Variants in EVL observed in about 807,000 individuals in gnomAD.
The protein encoded by EVL is ena/VASP-like protein.
Under a neutral mutation model 59.6 loss-of-function variants are expected in EVL, and 21 were observed. The ratio of observed to expected loss-of-function variants is 0.35; its 90% CI spans 0.25 to 0.51. EVL has a LOEUF of 0.51. EVL is among the 20% of genes least tolerant of loss of function. The pLI is 0.97. For missense variants in EVL, 462 were observed against 546.6 expected, an observed-to-expected ratio of 0.85 and a Z score of 1.54; for synonymous variants, 198 against 203.5, an observed-to-expected ratio of 0.97 and a Z score of 0.23.
intron 13 of EVL, among the ~76,000 whole-genome samples, chr14:100,142,602 G>C (rs1255320470): frequency 6.6e-6 from 1 of 152,238 alleles, no homozygotes; most frequent in Non-Finnish European, 1.5e-5. Flanking sequence ...AAGCGCACAG[G>C]GGTGGAGGCT....
At chr14:100,113,845 A>AGCAGT (rs1887158426) in intron 3 of EVL, among the ~76,000 whole-genome samples, 1 of 152,102 alleles carries the variant, frequency 6.6e-6, no homozygotes, top group Non-Finnish European at 1.5e-5. Flanking sequence ...GGGCACCGGG[A>AGCAGT]CAGGCAAGTT....
At chr14:100,049,110 A>G (rs1487650642) in intron 1 of EVL, among the ~76,000 whole-genome samples, 1 of 152,254 alleles carries the variant, frequency 6.6e-6, no homozygotes, top group East Asian at 1.9e-4. Flanking sequence ...CAAAAACTCC[A>G]GTAATTTAAG....
intron 1 of EVL, among the ~76,000 whole-genome samples, chr14:100,071,896 A>G (rs1484184525): frequency 1.3e-5 from 2 of 152,146 alleles, no homozygotes; most frequent in Non-Finnish European, 2.9e-5. Flanking sequence ...CACAATAAAC[A>G]TTTTAAGTCT....
At chr14:100,076,007 T>G (rs766057712) in intron 1 of EVL, among the ~76,000 whole-genome samples, 3 of 152,204 alleles carry the variant, frequency 2.0e-5, no homozygotes, top group Non-Finnish European at 4.4e-5. Flanking sequence ...AGTTATTAAA[T>G]GAATGGGAAT....
At chr14:99,998,700 C>T (rs552458677) in intron 1 of EVL, among the ~76,000 whole-genome samples, 173 of 152,104 alleles carry the variant, frequency 1.1e-3, no homozygotes, top group Non-Finnish European at 1.9e-3. Context: ...AACATATATA[C>T]AGATAAAAGC....
intron 1 of EVL, among the ~76,000 whole-genome samples, chr14:100,074,018 G>A (rs1301200085): frequency 2.0e-5 from 3 of 151,760 alleles, no homozygotes; most frequent in Non-Finnish European, 2.9e-5. Context: ...CGGTGGGGGC[G>A]GGGGGTCGGG....
In EVL at chr14:99,972,265, A is replaced by G. The variant is rs1402125016; in HGVS notation, c.5+208A>G. On this transcript the variant is annotated intron_variant, in intron 1 of 13. Coordinates refer to the EVL transcript ENST00000402714. This position sits in a 1 kb window ranked among gnomAD's most constrained non-coding sequence, Gnocchi z 4.4. ...CCGTGGGGGCGTCTGGAGAGCCGGG[A>G]GGGTCTGCAGGGCTTGTGGGGGGCA... 6.7e-6 allele frequency among the ~76,000 whole-genome samples: 1 copy of G among 150,126 alleles called. No homozygotes were observed. Among genetic ancestry groups the G allele is most frequent in the Non-Finnish European group, 1.5e-5 (1 of 67,536 alleles).
chr14:100,089,810 G>A (rs28816688), intron 2 of EVL, among the ~76,000 whole-genome samples: 1,903 of 152,260 alleles, frequency 0.012, 52 homozygotes, highest in African/African-American at 0.043. Flanking sequence ...GCATGTGCCT[G>A]TAGTCCTTGC....
At chr14:99,991,478 A>G (rs2060875216) in intron 1 of EVL, among the ~76,000 whole-genome samples, 1 of 152,218 alleles carries the variant, frequency 6.6e-6, no homozygotes, top group South Asian at 2.1e-4. Context: ...TTGGCCAACA[A>G]CTGAGAATGA....
rs1450379061 is a variant in EVL, at chr14:100,109,730, G to A, written c.358+12072G>A. On this transcript the variant is annotated intron_variant, in intron 3 of 13. Transcript: ENST00000392920. This position sits in a 1 kb window ranked among gnomAD's most constrained non-coding sequence, Gnocchi z 4.3. ...AATGGAATTGTCTCACACAGAAATC[G>A]CACCCGTCACCTTGGCCTACTTATC... The A allele has an allele frequency of 7.6e-6, 4 of 529,600 alleles. No homozygotes were observed. Among genetic ancestry groups the A allele is most frequent in the South Asian group, 1.4e-5 (1 of 70,182 alleles). 32.8% of individuals were successfully genotyped at this position (529,600 alleles called of 1,614,324 possible). A position where few individuals can be genotyped will look rare whatever the true frequency, so the allele number is the denominator to read the frequency against.
At chr14:100,003,684 A>G (rs777664931) in intron 1 of EVL, among the ~76,000 whole-genome samples, 26 of 152,150 alleles carry the variant, frequency 1.7e-4, no homozygotes, top group Non-Finnish European at 3.5e-4. Context: ...CTCTCAAAGC[A>G]CTGGGAATAC....
chr14:100,129,819 T>TA (rs1888318738), intron 7 of EVL, 135 bp downstream of exon 7: 2 of 1,312,038 alleles, frequency 1.5e-6, no homozygotes, highest in East Asian at 5.3e-5. Flanking sequence ...GGGAAACTGT[T>TA]ACTTAAGTTT....
At chr14:100,075,034 G>T (rs1229589799) in intron 1 of EVL, among the ~76,000 whole-genome samples, 1 of 152,196 alleles carries the variant, frequency 6.6e-6, no homozygotes, top group Non-Finnish European at 1.5e-5. Context: ...TTGACTCCCT[G>T]TGTGACTTGG....
At chr14:100,141,671 C>T (rs1889176141) in intron 12 of EVL, 65 bp from the exon 13 acceptor site, 1 of 1,547,992 alleles carries the variant, frequency 6.5e-7, no homozygotes, top group Non-Finnish European at 8.8e-7. Flanking sequence ...GGACATGGCC[C>T]AGCCCAGGCC....
At chr14:100,115,963 CACTGG>C (rs1887314993) in intron 3 of EVL, among the ~76,000 whole-genome samples, 2 of 152,232 alleles carry the variant, frequency 1.3e-5, no homozygotes, top group African/African-American at 2.4e-5. Flanking sequence ...AGCATCAGTG[CACTGG>C]GGTGGACAGA....
intron 1 of EVL, among the ~76,000 whole-genome samples, chr14:100,056,984 A>T (rs548835629): frequency 1.3e-5 from 2 of 152,358 alleles, no homozygotes; most frequent in African/African-American, 2.4e-5. Flanking sequence ...TTCAAAATAC[A>T]GAAGTAGCAC....
upstream of EVL, among the ~76,000 whole-genome samples, chr14:100,060,545 T>C (rs1170529473): frequency 6.6e-6 from 1 of 152,048 alleles, no homozygotes; most frequent in Non-Finnish European, 1.5e-5. Flanking sequence ...GGTAGTGGAC[T>C]TGGAGACAGA....
intron 2 of EVL, among the ~76,000 whole-genome samples, chr14:100,096,713 T>G (rs1885839433): frequency 6.6e-6 from 1 of 152,174 alleles, no homozygotes; most frequent in Non-Finnish European, 1.5e-5. Context: ...TTCTTTTAAA[T>G]CTCTGAAAGA....
At chr14:100,095,480 G>A (rs1488601517) in intron 2 of EVL, among the ~76,000 whole-genome samples, 2 of 152,106 alleles carry the variant, frequency 1.3e-5, no homozygotes, top group South Asian at 2.1e-4. Flanking sequence ...CTTATTATTT[G>A]GTAGTTATTA....
Sources: allele counts gnomAD v4.1 joint callset (sites outside exome capture counted in the v4.1 genomes callset), GRCh38; gene constraint gnomAD v4.1.1; non-coding constraint Gnocchi (gnomAD v3.1); transcripts MANE v1.5; gene names NCBI Gene and HGNC (gene_info 2026-07-23, HGNC 2026-07-21).